PRELID2: variants seen among roughly 807,000 people sequenced by gnomAD.
PRELID2 encodes PRELI domain-containing protein 2.
Under a neutral mutation model 28.4 loss-of-function variants are expected in PRELID2, and 25 were observed. The observed-to-expected ratio is 0.88, with a 90% confidence interval of 0.64 to 1.23. The LOEUF is 1.23. PRELID2 is among the 50% of genes most tolerant of loss of function. The pLI is 0.00. For missense variants in PRELID2, 201 were observed against 214.4 expected (o/e 0.94, Z 0.39); for synonymous variants, 76 against 71.6 (o/e 1.06, Z -0.31).
the PRELID2 span, among the ~76,000 whole-genome samples, chr5:145,464,570 G>T: frequency 6.6e-6 from 1 of 152,082 alleles, no homozygotes; most frequent in African/African-American, 2.4e-5. Flanking sequence ...GTTAGCAAAT[G>T]GTTCTTAATA....
At chr5:145,737,653 C>A (rs6884968) in intron 1 of PRELID2, among the ~76,000 whole-genome samples, 124,275 of 152,174 alleles carry the variant, frequency 0.82, 51,190 homozygotes, top group East Asian at 0.88. Flanking sequence ...AAGAAGCAGT[C>A]TTGCAAGGCA....
At chr5:145,336,927 C>A in the PRELID2 span, among the ~76,000 whole-genome samples, 2,062 of 129,128 alleles carry the variant, frequency 0.016, 48 homozygotes, top group African/African-American at 0.058. Flanking sequence ...ACACATGGAC[C>A]CAGGAAGGGG....
chr5:145,328,727 C>T, the PRELID2 span, among the ~76,000 whole-genome samples: 2 of 151,930 alleles, frequency 1.3e-5, no homozygotes, highest in African/African-American at 2.4e-5. Flanking sequence ...CTGTAGGTTG[C>T]CTGTTCACTC....
chr5:145,504,761 C>T lies in PRELID2; in HGVS notation n.71-31446G>A, dbSNP rs78648082. ...GAAGAGGCAGCTCTCTTCATGCATACTTCATTCTACCCTTGATTATTGTCT... is the reference window on the plus strand; with the variant it reads ...GAAGAGGCAGCTCTCTTCATGCATATTTCATTCTACCCTTGATTATTGTCT... On this transcript the variant is annotated intron_variant and non_coding_transcript_variant, in intron 1 of 2. Coordinates refer to the PRELID2 transcript ENST00000510259. 2.8e-3 allele frequency among the ~76,000 whole-genome samples: 430 copies of T among 152,282 alleles called. 1 individual carries two copies. The highest frequency in any genetic ancestry group is 9.8e-3 in the African/African-American group (407 of 41,566).
At chr5:145,741,334 A>G (rs1436325998) in intron 1 of PRELID2, among the ~76,000 whole-genome samples, 1 of 31,814 alleles carries the variant, frequency 3.1e-5, no homozygotes, top group Non-Finnish European at 6.9e-5. Flanking sequence ...TTATTTATAT[A>G]TAAATAAAAT....
At chr5:145,745,866 A>AAAAAAAACG in intron 1 of PRELID2, among the ~76,000 whole-genome samples, 1 of 150,988 alleles carries the variant, frequency 6.6e-6, no homozygotes, top group East Asian at 1.9e-4. Flanking sequence ...TCATCTCAAA[A>AAAAAAAACG]AAAAAAATGA....
At chr5:145,594,571 T>C (rs549123726) in intron 1 of PRELID2, among the ~76,000 whole-genome samples, 2 of 152,292 alleles carry the variant, frequency 1.3e-5, no homozygotes, top group South Asian at 2.1e-4. Flanking sequence ...ATCACAGTAT[T>C]ATACATAAAA....
chr5:145,320,961 C>T, the PRELID2 span, among the ~76,000 whole-genome samples: 1 of 152,180 alleles, frequency 6.6e-6, no homozygotes, highest in Non-Finnish European at 1.5e-5. Context: ...TGCATTATCA[C>T]AGTTAATTTT....
At chr5:145,234,429 T>C in the PRELID2 span, among the ~76,000 whole-genome samples, 1 of 152,148 alleles carries the variant, frequency 6.6e-6, no homozygotes, top group Admixed American at 6.6e-5. Context: ...AAATACTTAA[T>C]ACCAGGTATG....
downstream of PRELID2, among the ~76,000 whole-genome samples, chr5:145,470,382 G>A (rs779260396): frequency 6.6e-6 from 1 of 152,100 alleles, no homozygotes; most frequent in African/African-American, 2.4e-5. Context: ...TGCACCCATC[G>A]ACAAATATCT....
At chr5:145,671,581 G>T (rs1405950587) in intron 1 of PRELID2, among the ~76,000 whole-genome samples, 1 of 152,172 alleles carries the variant, frequency 6.6e-6, no homozygotes, top group Non-Finnish European at 1.5e-5. Context: ...AAGGCAAGAA[G>T]AATGTTTTCC....
At chr5:145,811,116 A>ACC (rs1383993378) in intron 4 of PRELID2, among the ~76,000 whole-genome samples, 1 of 85,724 alleles carries the variant, frequency 1.2e-5, no homozygotes, top group Admixed American at 1.4e-4. Flanking sequence ...AAAAAAAAAA[A>ACC]AAATTGTGCC....
the PRELID2 span, among the ~76,000 whole-genome samples, chr5:145,234,072 G>T: frequency 3.9e-5 from 6 of 152,094 alleles, no homozygotes; most frequent in South Asian, 1.2e-3. Flanking sequence ...TTAATTTGTT[G>T]TCAGTAGTGG....
At chr5:145,698,706 C>A (rs550212086) in intron 1 of PRELID2, among the ~76,000 whole-genome samples, 3 of 152,136 alleles carry the variant, frequency 2.0e-5, no homozygotes, top group Non-Finnish European at 4.4e-5. Flanking sequence ...CTCCCAAAGG[C>A]CCCACCTGTT....
intron 1 of PRELID2, among the ~76,000 whole-genome samples, chr5:145,609,720 C>G (rs1280234548): frequency 1.3e-5 from 2 of 152,236 alleles, no homozygotes; most frequent in Non-Finnish European, 2.9e-5. Context: ...TGCCCACCAG[C>G]TGAGTTCACA....
At chr5:145,598,127 T>A (rs1194130130) in intron 1 of PRELID2, among the ~76,000 whole-genome samples, 3 of 152,062 alleles carry the variant, frequency 2.0e-5, no homozygotes, top group African/African-American at 7.2e-5. Flanking sequence ...AGATGGCATA[T>A]CAAATAGAAA....
At chr5:145,746,382 T>C (rs776339994) in intron 1 of PRELID2, among the ~76,000 whole-genome samples, 11 of 152,190 alleles carry the variant, frequency 7.2e-5, no homozygotes, top group Non-Finnish European at 1.6e-4. Flanking sequence ...ATTGAATTCC[T>C]AGTCTCTGAC....
intron 5 of PRELID2, among the ~76,000 whole-genome samples, chr5:145,769,142 TG>T (rs1388455094): frequency 6.6e-6 from 1 of 152,230 alleles, no homozygotes; most frequent in African/African-American, 2.4e-5. Context: ...AAACATTAAG[TG>T]GATCTACCTT....
intron 1 of PRELID2, among the ~76,000 whole-genome samples, chr5:145,517,909 C>G (rs1301842228): frequency 1.3e-5 from 2 of 152,026 alleles, no homozygotes; most frequent in African/African-American, 4.8e-5. Context: ...CCAAACATTG[C>G]ATGTTCTCAC....
Sources: allele counts gnomAD v4.1 joint callset (sites outside exome capture counted in the v4.1 genomes callset), GRCh38; gene constraint gnomAD v4.1.1; transcripts MANE v1.5; gene names NCBI Gene and HGNC (gene_info 2026-07-23, HGNC 2026-07-21).